The following NKAIN3 variants were observed in gnomAD, a reference collection of about 807,000 sequenced individuals.
NKAIN3 encodes the protein sodium/potassium-transporting ATPase subunit beta-1-interacting protein 3.
Under a neutral mutation model 30.2 loss-of-function variants are expected in NKAIN3, and 25 were observed. The observed-to-expected ratio is 0.83, with a 90% CI of 0.60 to 1.16. The LOEUF is 1.16. NKAIN3 is among the 50% of genes most tolerant of loss of function. The probability of loss-of-function intolerance (pLI) is 0.00; values close to 1 mark genes in which losing one functional copy is unlikely to be tolerated. For missense variants in NKAIN3, 225 were observed against 254.1 expected (o/e 0.89, Z 0.78); for synonymous variants, 91 against 89.6 (o/e 1.02, Z -0.09).
At chr8:62,543,317 A>G (rs1808902862) in intron 1 of NKAIN3, among the ~76,000 whole-genome samples, 1 of 152,138 alleles carries the variant, frequency 6.6e-6, no homozygotes, top group South Asian at 2.1e-4. Flanking sequence ...TAGCTCATAG[A>G]TGCCCTATAG....
chr8:62,388,052 A>T (rs1034255110), intron 1 of NKAIN3, among the ~76,000 whole-genome samples: 3 of 152,174 alleles, frequency 2.0e-5, no homozygotes, highest in African/African-American at 7.2e-5. Flanking sequence ...GACATTGTGG[A>T]GTGTAACTGG....
At chr8:62,824,796 A>C (rs7000053) in intron 4 of NKAIN3, among the ~76,000 whole-genome samples, 1 of 152,050 alleles carries the variant, frequency 6.6e-6, no homozygotes, top group South Asian at 2.1e-4. Flanking sequence ...AACCCACTTT[A>C]TGATCTGAGC....
chr8:62,998,885 A>T (rs1481064391), intron 5 of NKAIN3, among the ~76,000 whole-genome samples: 3 of 152,196 alleles, frequency 2.0e-5, no homozygotes, highest in African/African-American at 7.2e-5. Context: ...GTGATATCAG[A>T]AGAGAATAAA....
chr8:62,856,758 C>T lies in NKAIN3; in HGVS notation c.472-61695C>T, dbSNP rs1586274927. 3 of 670,644 alleles carry T rather than the reference C, an allele frequency of 4.5e-6. No individual in the cohort carries two copies. In the South Asian group the frequency reaches 5.1e-5, roughly 11 times the overall value. The allele number at this position is 670,644 out of a possible 1,614,324, so 41.5% of individuals were successfully genotyped here. ...GTCAAGCTCTAGAATTTATTTTGCACCTGGCTTATCCAACTCCTGTAAGAT... is the reference window on the plus strand; with the variant it reads ...GTCAAGCTCTAGAATTTATTTTGCATCTGGCTTATCCAACTCCTGTAAGAT... On this transcript the variant is annotated intron_variant, in intron 4 of 6. Transcript: ENST00000623646.
At chr8:62,519,152 A>G (rs1433985619) in intron 1 of NKAIN3, among the ~76,000 whole-genome samples, 1 of 152,174 alleles carries the variant, frequency 6.6e-6, no homozygotes, top group African/African-American at 2.4e-5. Flanking sequence ...ACCAGTGATT[A>G]AATTCCTGAC....
chr8:62,513,888 A>G (rs1458191943), intron 1 of NKAIN3, among the ~76,000 whole-genome samples: 3 of 145,800 alleles, frequency 2.1e-5, no homozygotes, highest in Non-Finnish European at 3.0e-5. Flanking sequence ...AAAAAAAAGC[A>G]TAAAAGCATT....
intron 1 of NKAIN3, among the ~76,000 whole-genome samples, chr8:62,369,894 T>C (rs1816854333): frequency 6.6e-6 from 1 of 151,912 alleles, no homozygotes; most frequent in Admixed American, 6.6e-5. Context: ...ATAAACTTAC[T>C]GCTTATGGCA....
chr8:62,734,985 G>T (rs1268087243), intron 3 of NKAIN3, among the ~76,000 whole-genome samples: 1 of 152,126 alleles, frequency 6.6e-6, no homozygotes, highest in Non-Finnish European at 1.5e-5. Context: ...AATATGATTG[G>T]TTTTTCTTTC....
At chr8:62,427,432 T>G (rs76952907) in intron 1 of NKAIN3, among the ~76,000 whole-genome samples, 2 of 152,082 alleles carry the variant, frequency 1.3e-5, no homozygotes, top group East Asian at 3.9e-4. Flanking sequence ...TCAGGTTCAG[T>G]TTCCTCACAT....
chr8:62,862,028 C>T lies in NKAIN3; in HGVS notation c.472-56425C>T, dbSNP rs369493101. Among the ~76,000 whole-genome samples, 35 of 152,292 alleles carry T rather than the reference C, an allele frequency of 2.3e-4. No individual in the cohort carries two copies. The East Asian group carries it at 2.3e-3, about 10-fold the overall frequency. ...ACATATTAGAGCTGCTCAGACTTTT[C>T]CATTTGGCTATTACATAATCTGAAT... On this transcript the variant is annotated intron_variant, in intron 4 of 6. Coordinates refer to ENST00000623646, the MANE Select transcript of NKAIN3 (RefSeq NM_001304533.3).
chr8:62,870,284 ATC>A (rs1236990145), intron 4 of NKAIN3, among the ~76,000 whole-genome samples: 2 of 125,482 alleles, frequency 1.6e-5, no homozygotes, highest in African/African-American at 6.6e-5. Context: ...ATATATAAAT[ATC>A]TATAGATATA....
intron 1 of NKAIN3, among the ~76,000 whole-genome samples, chr8:62,532,762 C>T (rs1031414371): frequency 6.6e-6 from 1 of 151,984 alleles, no homozygotes; most frequent in African/African-American, 2.4e-5. Flanking sequence ...TGAAGCTTTC[C>T]CCAGCAGCTT....
chr8:62,457,940 A>G (rs1805868842), intron 1 of NKAIN3, among the ~76,000 whole-genome samples: 1 of 152,174 alleles, frequency 6.6e-6, no homozygotes, highest in Non-Finnish European at 1.5e-5. Context: ...ACTACACTGT[A>G]ATTATCTCAC....
chr8:62,955,496 G>C (rs1585619293), intron 6 of NKAIN3, among the ~76,000 whole-genome samples: 1 of 151,872 alleles, frequency 6.6e-6, no homozygotes, highest in Admixed American at 6.6e-5. Flanking sequence ...TTTGTTATGT[G>C]ATAAGAGGAT....
chr8:62,711,064 C>A (rs1330294736), intron 3 of NKAIN3, among the ~76,000 whole-genome samples: 1 of 152,078 alleles, frequency 6.6e-6, no homozygotes, highest in African/African-American at 2.4e-5. Flanking sequence ...AAGATAGGCC[C>A]CCAACCTCTT....
chr8:62,865,386 T>C (rs1820386171), intron 4 of NKAIN3, among the ~76,000 whole-genome samples: 1 of 152,250 alleles, frequency 6.6e-6, no homozygotes, highest in African/African-American at 2.4e-5. Context: ...TCTCATTCTT[T>C]AACAGGATTA....
intron 1 of NKAIN3, among the ~76,000 whole-genome samples, chr8:62,292,656 G>C (rs1813687400): frequency 6.6e-6 from 1 of 152,128 alleles, no homozygotes; most frequent in Non-Finnish European, 1.5e-5. Context: ...TTTCTCTCTG[G>C]CTGCTCTTAA....
At chr8:62,253,682 A>G (rs1812178690) in intron 1 of NKAIN3, among the ~76,000 whole-genome samples, 1 of 152,198 alleles carries the variant, frequency 6.6e-6, no homozygotes. Context: ...TCCTTTCCAT[A>G]CCACATTCAA....
intron 4 of NKAIN3, among the ~76,000 whole-genome samples, chr8:62,885,043 C>T (rs1196313531): frequency 6.6e-6 from 1 of 151,584 alleles, no homozygotes; most frequent in Non-Finnish European, 1.5e-5. Context: ...TTAAATTGCT[C>T]TTCTTTTTCT....
Sources: allele counts gnomAD v4.1 joint callset (sites outside exome capture counted in the v4.1 genomes callset), GRCh38; gene constraint gnomAD v4.1.1; transcripts MANE v1.5; gene names NCBI Gene and HGNC (gene_info 2026-07-23, HGNC 2026-07-21).